Variants in MDFIC observed in about 807,000 individuals in gnomAD.
The protein encoded by MDFIC is MyoD family inhibitor domain containing.
A neutral mutation model predicts 23.2 loss-of-function variants in MDFIC; 17 were observed. The ratio of observed to expected loss-of-function variants is 0.73; its 90% CI spans 0.50 to 1.10. MDFIC has a LOEUF of 1.10. Ranked by LOEUF, MDFIC falls within the 50% of genes least tolerant of loss-of-function variation. MDFIC has a pLI of 0.00. For synonymous variants in MDFIC, 120 were observed against 115.2 expected (o/e 1.04, Z -0.27); for missense variants, 356 against 316.6 (o/e 1.12, Z -0.95).
chr7:114,997,428 G>A (rs13224349), intron 4 of MDFIC, among the ~76,000 whole-genome samples: 31 of 151,684 alleles, frequency 2.0e-4, no homozygotes, highest in African/African-American at 3.1e-4. Context: ...GTGTGTGTGC[G>A]CGCGTGTGTT....
intron 4 of MDFIC, among the ~76,000 whole-genome samples, chr7:115,003,622 G>A (rs983518132): frequency 5.3e-5 from 8 of 151,980 alleles, no homozygotes; most frequent in Non-Finnish European, 8.8e-5. Flanking sequence ...TTTCTGACAC[G>A]GAAAATTGAA....
intron 3 of MDFIC, among the ~76,000 whole-genome samples, chr7:114,972,549 A>G (rs73719547): frequency 0.01 from 1,586 of 152,298 alleles, 22 homozygotes; most frequent in African/African-American, 0.036. Flanking sequence ...TTTTTCTGCA[A>G]AACTACATGA....
intron 2 of MDFIC, among the ~76,000 whole-genome samples, chr7:114,929,711 G>C (rs147658935): frequency 6.6e-6 from 1 of 152,280 alleles, no homozygotes; most frequent in East Asian, 1.9e-4. Flanking sequence ...GAGAAACAGG[G>C]TGCATGGAAG....
chr7:114,942,397 AG>A lies in MDFIC; in HGVS notation c.217+1del. ...TCCTTCGGATGGTGAACTCATTAGAAGTAAGTATTTTTAGAAAAAACTTTGA... is the reference window on the plus strand; with the variant it reads ...TCCTTCGGATGGTGAACTCATTAGAATAAGTATTTTTAGAAAAAACTTTGA... On this transcript the variant is annotated splice_donor_variant, in intron 3 of 4. Transcript: ENST00000393486. LOFTEE classifies it high-confidence loss of function. The A allele has an allele frequency of 6.4e-7, 1 of 1,568,886 alleles. No individual in the cohort carries two copies. Among genetic ancestry groups the A allele is most frequent in the Non-Finnish European group, 8.6e-7 (1 of 1,161,650 alleles).
intron 3 of MDFIC, among the ~76,000 whole-genome samples, chr7:114,970,499 G>A (rs778686542): frequency 1.2e-4 from 18 of 151,962 alleles, no homozygotes; most frequent in Non-Finnish European, 2.4e-4. Context: ...TACCACTTTC[G>A]TTTTTGGGCT....
intron 3 of MDFIC, among the ~76,000 whole-genome samples, chr7:114,978,094 T>G (rs950451739): frequency 6.6e-6 from 1 of 151,518 alleles, no homozygotes; most frequent in African/African-American, 2.4e-5. Flanking sequence ...ATGTCTACCT[T>G]ATATTAATAT....
Position 115,018,846 on chromosome 7 carries a change from A to G in MDFIC, c.*2911A>G, listed in dbSNP as rs1467079898. The G allele has an allele frequency of 5.9e-5, 9 of 151,984 alleles. No homozygotes were observed. The highest frequency in any genetic ancestry group is 5.9e-4 in the Admixed American group (9 of 15,256). 9.4% of individuals were successfully genotyped at this position (151,984 alleles called of 1,614,324 possible). A position where few individuals can be genotyped will look rare whatever the true frequency, so the allele number is the denominator to read the frequency against. ...AAGTTAAAATCTGAAGGTTATCTTT[A>G]TCATGTTTCATCCCTGTCTGAAGAT... On this transcript the variant is annotated 3_prime_UTR_variant, in exon 5 of 5. Coordinates refer to ENST00000393486, the MANE Select transcript of MDFIC (RefSeq NM_001166345.3).
At chr7:114,943,593 C>T (rs2115769445) in intron 3 of MDFIC, among the ~76,000 whole-genome samples, 1 of 152,038 alleles carries the variant, frequency 6.6e-6, no homozygotes, top group East Asian at 1.9e-4. Context: ...TAGCTTTATC[C>T]AAAGAATCAT....
chr7:114,963,577 T>C (rs1294077561), intron 3 of MDFIC, among the ~76,000 whole-genome samples: 3 of 152,166 alleles, frequency 2.0e-5, no homozygotes, highest in Non-Finnish European at 4.4e-5. Context: ...GTGCATCTAT[T>C]ATTTGTTTGT....
At chr7:114,989,562 A>G (rs1410425926) in intron 4 of MDFIC, among the ~76,000 whole-genome samples, 1 of 152,234 alleles carries the variant, frequency 6.6e-6, no homozygotes, top group Non-Finnish European at 1.5e-5. Flanking sequence ...ACAAACCAGC[A>G]TATAGTGTAT....
chr7:114,967,894 T>C (rs952063573), intron 3 of MDFIC, among the ~76,000 whole-genome samples: 1 of 151,050 alleles, frequency 6.6e-6, no homozygotes, highest in African/African-American at 2.4e-5. Flanking sequence ...AGTGGTATAA[T>C]CTCAGCTTAC....
At chr7:115,004,687 A>G (rs916101719) in intron 4 of MDFIC, among the ~76,000 whole-genome samples, 1 of 152,220 alleles carries the variant, frequency 6.6e-6, no homozygotes, top group Non-Finnish European at 1.5e-5. Context: ...CATTGTCTCC[A>G]GGCTCCTATG....
chr7:114,950,284 T>C (rs1328985699), intron 3 of MDFIC, among the ~76,000 whole-genome samples: 1 of 152,154 alleles, frequency 6.6e-6, no homozygotes. Context: ...TTCAGCTTTC[T>C]ATGGGATGTA....
At position 114,922,161 on chromosome 7, in the gene MDFIC, C is replaced by T. The variant is rs1792091625; in HGVS notation, c.-583C>T. The T allele has an allele frequency of 2.8e-6, 1 of 362,854 alleles. No individual in the cohort carries two copies. The highest frequency in any genetic ancestry group is 2.1e-5 in the African/African-American group (1 of 47,696). 22.5% of individuals were successfully genotyped at this position (362,854 alleles called of 1,614,324 possible). A position where few individuals can be genotyped will look rare whatever the true frequency, so the allele number is the denominator to read the frequency against. ...GTGGGGAGCCCGAGCCAGCCCAGGC[C>T]GGCTCTGGCCTCCTGACCCAGACAG... On this transcript the variant is annotated 5_prime_UTR_variant, in exon 1 of 5. Transcript: ENST00000393486.
chr7:114,999,706 A>C (rs890008048), intron 4 of MDFIC, among the ~76,000 whole-genome samples: 2 of 152,080 alleles, frequency 1.3e-5, no homozygotes, highest in Non-Finnish European at 1.5e-5. Flanking sequence ...TTTAAGTTGA[A>C]TATACCAGGA....
chr7:114,959,824 C>CTGATAA, intron 3 of MDFIC, among the ~76,000 whole-genome samples: 2 of 145,594 alleles, frequency 1.4e-5, no homozygotes, highest in East Asian at 4.0e-4. Context: ...TCTAAATAGA[C>CTGATAA]TAATAATAAT....
chr7:114,952,175 A>G (rs1264564593), intron 3 of MDFIC, among the ~76,000 whole-genome samples: 2 of 152,188 alleles, frequency 1.3e-5, no homozygotes, highest in Non-Finnish European at 1.5e-5. Context: ...GCTTGGGCAA[A>G]TCAGTTGCTA....
intron 4 of MDFIC, among the ~76,000 whole-genome samples, chr7:114,995,113 A>T (rs1273132412): frequency 6.6e-6 from 1 of 152,156 alleles, no homozygotes; most frequent in African/African-American, 2.4e-5. Context: ...TCAGTCACTG[A>T]TACCCTTTCT....
chr7:115,011,263 A>G (rs933446875), intron 4 of MDFIC, among the ~76,000 whole-genome samples: 3 of 152,166 alleles, frequency 2.0e-5, no homozygotes, highest in Admixed American at 2.0e-4. Context: ...TAATACCGGT[A>G]TGACTTCTTA....
Sources: gnomAD v4.1 joint callset for allele counts (sites outside exome capture counted in the v4.1 genomes callset) on GRCh38, gnomAD v4.1.1 for gene constraint, MANE v1.5 for transcripts, NCBI Gene and HGNC (gene_info 2026-07-23, HGNC 2026-07-21) for gene names.